Variants in DSG3 observed in about 807,000 individuals in gnomAD.
DSG3 encodes desmoglein-3.
DSG3 carries 63 observed loss-of-function variants against 85.9 expected under a neutral mutation model. The ratio of observed to expected loss-of-function variants is 0.73; its 90% CI spans 0.60 to 0.90. The LOEUF (loss-of-function observed/expected upper bound fraction) is 0.90, where lower values mean the gene tolerates loss of function less well. DSG3 is among the 40% of genes least tolerant of loss of function. The pLI, the probability that DSG3 is intolerant of heterozygous loss-of-function variation, is 0.00. For synonymous variants in DSG3, 447 were observed against 441.9 expected (o/e 1.01, Z -0.14); for missense variants, 1,220 against 1,219.9 (o/e 1.00, Z 0.00).
chr18:31,455,756 C>G (rs1325577020), intron 1 of DSG3, among the ~76,000 whole-genome samples: 1 of 152,092 alleles, frequency 6.6e-6, no homozygotes, highest in Non-Finnish European at 1.5e-5. Context: ...CTTCATTTTA[C>G]TGTCATTTAA....
chr18:31,475,349 A>G (rs970806414), intron 15 of DSG3, among the ~76,000 whole-genome samples: 2 of 152,118 alleles, frequency 1.3e-5, no homozygotes, highest in African/African-American at 4.8e-5. Context: ...GTTGTTTGAG[A>G]TGAGGACTCT....
chr18:31,472,888 G>T, intron 14 of DSG3, 100 bp downstream of exon 14: 1 of 1,101,254 alleles, frequency 9.1e-7, no homozygotes. Flanking sequence ...TTGCATCTGT[G>T]TGCACATGTC....
intron 11 of DSG3, among the ~76,000 whole-genome samples, chr18:31,468,205 A>T (rs1168006173): frequency 1.3e-5 from 2 of 152,252 alleles, no homozygotes; most frequent in African/African-American, 4.8e-5. Context: ...GATAGGCAAT[A>T]GGCCATCACC....
rs765825460 is a variant in DSG3, at chr18:31,466,504, TTAACTC to T, written c.1412-22_1412-17del. The T allele has an allele frequency of 4.0e-5, 64 of 1,600,930 alleles. No homozygotes were observed. The highest frequency in any genetic ancestry group is 5.1e-5 in the Non-Finnish European group (60 of 1,168,374). ...GTACAACTTTGTTCTATACATTTCT[TTAACTC>T]TAAAACATTGTTCTTACAGAATACA... On this transcript the variant is annotated intron_variant, in intron 10 of 15. Transcript: ENST00000257189.
intron 3 of DSG3, 35 bp downstream of exon 3, chr18:31,457,159 G>A: frequency 6.3e-7 from 1 of 1,587,686 alleles, no homozygotes; most frequent in Non-Finnish European, 8.5e-7. Flanking sequence ...TGAGTTTTTA[G>A]AATAAATGTA....
At chr18:31,458,894 A>G in intron 4 of DSG3, 139 bp from the exon 5 acceptor site, 1 of 1,151,066 alleles carries the variant, frequency 8.7e-7, no homozygotes, top group East Asian at 2.6e-5. Flanking sequence ...ACCTTTTTCC[A>G]CTTTGTCTAC....
intron 1 of DSG3, among the ~76,000 whole-genome samples, 174 bp from the exon 2 acceptor site, chr18:31,456,266 C>T (rs1398063958): frequency 6.6e-6 from 1 of 152,130 alleles, no homozygotes; most frequent in Non-Finnish European, 1.5e-5. Context: ...CAGTAATATT[C>T]CTTTTCCTGG....
chr18:31,464,366 G>C lies in DSG3; in HGVS notation c.1255G>C (p.Ala419Pro), dbSNP rs1429193825. The part of the protein sequence containing the change: ...YQAIDEDTNK[A>P]ASNVKYVMGR... Reference sequence around the variant, plus strand: ...AGCCATCGATGAGGACACTAACAAAGCTGCCTCAAATGTCAAGTAAGACTA... The same window carrying C: ...AGCCATCGATGAGGACACTAACAAACCTGCCTCAAATGTCAAGTAAGACTA... Residue 419 changes from alanine (A) to proline (P), a missense_variant, in exon 9 of 16, where the codon GCT (alanine) becomes CCT (proline). Physicochemically the swap from Ala to Pro is conservative, Grantham distance 27 (BLOSUM62 -1). Coordinates refer to ENST00000257189, the MANE Select transcript of DSG3 (RefSeq NM_001944.3). 1.9e-6 allele frequency: 3 copies of C among 1,608,102 alleles called. No homozygotes were observed. In the African/African-American group the frequency reaches 4.0e-5, roughly 21 times the overall value.
At position 31,459,895 on chromosome 18, in the gene DSG3, T is replaced by C; in HGVS notation, c.568T>C (p.Leu190=). 32 of 1,614,090 alleles carry C rather than the reference T, an allele frequency of 2.0e-5. No individual in the cohort carries two copies. The highest frequency in any genetic ancestry group is 2.6e-5 in the Non-Finnish European group (31 of 1,179,996). The change falls in exon 6 of 16, where the codon TTG becomes CTG. Residue 190 remains leucine (L), a synonymous_variant. Coordinates refer to ENST00000257189, the MANE Select transcript of DSG3 (RefSeq NM_001944.3). ...CACAGATGCAGATGAACCAAACCAC[T>C]TGAATTCTAAAATTGCCTTCAAAAT... ...NATDADEPNH[L]NSKIAFKIVS... is the part of the protein sequence containing the mutation.
intron 11 of DSG3, 137 bp downstream of exon 11, chr18:31,466,891 A>AT (rs1322375489): frequency 1.5e-6 from 1 of 670,756 alleles, no homozygotes; most frequent in East Asian, 2.7e-5. Context: ...TGGCTGTAGC[A>AT]TTGTGAATTA....
chr18:31,453,213 A>G (rs1368413527), intron 1 of DSG3, among the ~76,000 whole-genome samples: 1 of 152,212 alleles, frequency 6.6e-6, no homozygotes, highest in East Asian at 1.9e-4. Flanking sequence ...TAAATACAAA[A>G]TCATGTTTAA....
intron 5 of DSG3, 76 bp downstream of exon 5, chr18:31,459,253 T>C: frequency 7.5e-7 from 1 of 1,340,822 alleles, no homozygotes; most frequent in Non-Finnish European, 1.0e-6. Context: ...ATGTCATTCT[T>C]ATAAACTAAT....
chr18:31,457,631 T>C lies in DSG3; in HGVS notation c.216+507T>C, dbSNP rs576886956. On this transcript the variant is annotated intron_variant, in intron 3 of 15. Transcript: ENST00000257189. ...TTCTTTCTTTCTTTCTTTCTTTCTT[T>C]CTTTCTTTCTTTTTCTGAGATGGAG... Among the ~76,000 whole-genome samples, 21 of 136,768 alleles carry C rather than the reference T, an allele frequency of 1.5e-4. No homozygotes were observed. In the East Asian group the frequency reaches 4.4e-3, roughly 29 times the overall value. 89.7% of individuals were successfully genotyped at this position (136,768 alleles called of 152,430 possible).
intron 1 of DSG3, among the ~76,000 whole-genome samples, 165 bp from the exon 2 acceptor site, chr18:31,456,275 G>C (rs2072741326): frequency 6.6e-6 from 1 of 152,120 alleles, no homozygotes; most frequent in Non-Finnish European, 1.5e-5. Context: ...TCCTTTTCCT[G>C]GTAGGAACTT....
In DSG3 at chr18:31,469,140, A is replaced by G; in HGVS notation, c.1688A>G (p.His563Arg). ...AQEQIPPGVY[H>R]ISLVLTDSQN... ...GAACAGATACCTCCTGGAGTATACC[A>G]CATCTCCCTGGTACTTACAGACAGT... The change falls in exon 12 of 16, where the codon CAC becomes CGC. Residue 563 changes from histidine (H) to arginine (R), a missense_variant. By Grantham distance (29) the His-to-Arg change is conservative. Transcript: ENST00000257189. 4 of 1,614,184 alleles carry G rather than the reference A, an allele frequency of 2.5e-6. No homozygotes were observed. The highest frequency in any genetic ancestry group is 3.4e-6 in the Non-Finnish European group (4 of 1,180,038).
intron 1 of DSG3, 151 bp from the exon 2 acceptor site, chr18:31,456,289 C>G: frequency 4.1e-6 from 2 of 483,800 alleles, no homozygotes; most frequent in East Asian, 7.4e-5. Context: ...GGAACTTACC[C>G]TTTGATTATG....
Position 31,469,161 on chromosome 18 carries a change from A to G in DSG3, c.1709A>G (p.Asp570Gly). The change falls in exon 12 of 16, where the codon GAC (aspartate) becomes GGC (glycine). Residue 570 changes from aspartate to glycine, a missense_variant. By Grantham distance (94) the Asp-to-Gly change is moderately conservative. Coordinates refer to ENST00000257189, the MANE Select transcript of DSG3 (RefSeq NM_001944.3). ...TACCACATCTCCCTGGTACTTACAGACAGTCAGAACAATCGGTGTGAGATG... is the reference window on the plus strand; with the variant it reads ...TACCACATCTCCCTGGTACTTACAGGCAGTCAGAACAATCGGTGTGAGATG... ...GVYHISLVLT[D>G]SQNNRCEMPR... 2 of 1,614,168 alleles carry G rather than the reference A, an allele frequency of 1.2e-6. No individual in the cohort carries two copies. Among genetic ancestry groups the G allele is most frequent in the Non-Finnish European group, 1.7e-6 (2 of 1,180,026 alleles).
rs1263644589 is a variant in DSG3, at chr18:31,476,151, G to C, written c.2891G>C (p.Arg964Thr). 6.2e-7 allele frequency: 1 copy of C among 1,614,192 alleles called. No individual in the cohort carries two copies. The highest frequency in any genetic ancestry group is 8.5e-7 in the Non-Finnish European group (1 of 1,180,028). The part of the protein sequence containing the change: ...LLTQNVIVTE[R>T]VICPISSVPG... ...ACACAAAATGTGATAGTGACAGAAA[G>C]GGTGATCTGTCCCATTTCCAGTGTT... Residue 964 changes from arginine (R) to threonine (T), a missense_variant, in exon 16 of 16, where the codon AGG becomes ACG. By Grantham distance (71) the Arg-to-Thr change is moderately conservative. Transcript: ENST00000257189.
chr18:31,461,755 C>A (rs1366848656), intron 8 of DSG3, among the ~76,000 whole-genome samples: 1 of 152,114 alleles, frequency 6.6e-6, no homozygotes, highest in Non-Finnish European at 1.5e-5. Context: ...ATCTCATTTG[C>A]AACAATCAGA....
Sources: gnomAD v4.1 joint callset for allele counts (sites outside exome capture counted in the v4.1 genomes callset) on GRCh38, gnomAD v4.1.1 for gene constraint, MANE v1.5 for transcripts, NCBI Gene and HGNC (gene_info 2026-07-23, HGNC 2026-07-21) for gene names.